The following PARP15 variants were observed in gnomAD, a reference collection of about 807,000 sequenced individuals.
PARP15 encodes poly(ADP-ribose) polymerase family member 15.
In PARP15, 50 loss-of-function variants were observed where a neutral mutation model predicts 62.1. The observed-to-expected ratio is 0.81, with a 90% CI of 0.64 to 1.02. The LOEUF (loss-of-function observed/expected upper bound fraction) is 1.02, where lower values mean the gene tolerates loss of function less well. PARP15 is among the 50% of genes least tolerant of loss of function. PARP15 has a pLI of 0.00. For synonymous variants in PARP15, 309 were observed against 293.1 expected (o/e 1.05, Z -0.55); for missense variants, 820 against 826.5 (o/e 0.99, Z 0.10).
Position 122,613,145 on chromosome 3 carries a change from A to C in PARP15, c.648A>C (p.Lys216Asn). 1 of 1,551,742 alleles carries C rather than the reference A, an allele frequency of 6.4e-7. No individual in the cohort carries two copies. The highest frequency in any genetic ancestry group is 8.7e-7 in the Non-Finnish European group (1 of 1,146,952). The change falls in exon 4 of 12, where the codon AAA becomes AAC. Residue 216 changes from lysine (K) to asparagine (N), a missense_variant. Lys to Asn is a moderately conservative substitution (Grantham distance 94). This residue lies in a region of PARP15 where 731 missense variants were observed against 727.7 expected (regional missense o/e 1.00). Coordinates refer to ENST00000464300, the MANE Select transcript of PARP15 (RefSeq NM_001113523.3). ...MIGTGSLQFP[K>N]AVFAKLILSE... ...GAACAGGAAGTTTGCAGTTTCCCAA[A>C]GCTGTTTTTGCTAAACTAATCCTTT... is the stretch of plus-strand genomic sequence containing the variant.
chr3:122,590,020 G>A (rs183933516), intron 1 of PARP15, among the ~76,000 whole-genome samples: 1 of 150,846 alleles, frequency 6.6e-6, no homozygotes, highest in African/African-American at 2.4e-5. Context: ...CAAGTAGCTG[G>A]GACTACAGGT....
chr3:122,604,800 G>T (rs1015990019), intron 1 of PARP15, among the ~76,000 whole-genome samples: 1 of 152,172 alleles, frequency 6.6e-6, no homozygotes, highest in African/African-American at 2.4e-5. Context: ...GGCAGAGGTT[G>T]CAGTGAGCCA....
At chr3:122,603,556 A>G (rs1372104679) in intron 1 of PARP15, among the ~76,000 whole-genome samples, 1 of 152,210 alleles carries the variant, frequency 6.6e-6, no homozygotes, top group Non-Finnish European at 1.5e-5. Flanking sequence ...GGTTGTCTGG[A>G]GGATGTGAAG....
rs531244375 is a variant in PARP15 at position 122,584,680 on chromosome 3, C to T, written c.186+6827C>T. 1.1e-4 allele frequency among the ~76,000 whole-genome samples: 17 copies of T among 150,434 alleles called. No homozygotes were observed. The South Asian group carries it at 1.7e-3, about 15-fold the overall frequency. On this transcript the variant is annotated intron_variant, in intron 1 of 11. Coordinates refer to ENST00000464300, the MANE Select transcript of PARP15 (RefSeq NM_001113523.3). Reference sequence around the variant, plus strand: ...ACAACCTCCACACCCCGGGTTCAGGCGATTCTCCTGCTTCAGCCTCCCAAG... The same window carrying T: ...ACAACCTCCACACCCCGGGTTCAGGTGATTCTCCTGCTTCAGCCTCCCAAG...
At chr3:122,577,883 G>C in intron 1 of PARP15, 30 bp downstream of exon 1, 1 of 1,514,766 alleles carries the variant, frequency 6.6e-7, no homozygotes, top group Admixed American at 2.1e-5. Context: ...GGTGCGGGAA[G>C]GGGACAGCAG....
rs375329929 is a variant in PARP15, at chr3:122,621,631, A to G, written c.1231+20A>G. The G allele has an allele frequency of 1.3e-6, 2 of 1,559,866 alleles. No individual in the cohort carries two copies. Among genetic ancestry groups the G allele is most frequent in the South Asian group, 1.2e-5 (1 of 81,572 alleles). On this transcript the variant is annotated intron_variant, in intron 8 of 11. Transcript: ENST00000464300. ...GAACAGGTTTGCAGCTTATCATTCT[A>G]TAATAAAATTTGAGTGATACAAATT...
intron 8 of PARP15, among the ~76,000 whole-genome samples, chr3:122,623,850 G>A (rs6788885): frequency 0.12 from 18,616 of 152,116 alleles, 3,003 homozygotes; most frequent in African/African-American, 0.37. Flanking sequence ...GACATTTTTG[G>A]AATGTTTCTC....
intron 1 of PARP15, among the ~76,000 whole-genome samples, chr3:122,598,956 C>T (rs922662142): frequency 6.6e-6 from 1 of 151,998 alleles, no homozygotes; most frequent in Non-Finnish European, 1.5e-5. Context: ...AGTGCAGTGG[C>T]GTGATCTCAG....
chr3:122,612,754 A>G (rs1254861915), intron 3 of PARP15, among the ~76,000 whole-genome samples: 1 of 152,000 alleles, frequency 6.6e-6, no homozygotes, highest in African/African-American at 2.4e-5. Context: ...AACTTAACAT[A>G]AATACTGCAT....
rs778219932 is a variant in PARP15 at position 122,610,693 on chromosome 3, C to T, written c.506C>T (p.Ala169Val). The T allele has an allele frequency of 3.8e-5, 58 of 1,543,050 alleles. No homozygotes were observed. Among genetic ancestry groups the T allele is most frequent in the Middle Eastern group, 1.7e-4 (1 of 5,942 alleles). Residue 169 changes from alanine to valine, a missense_variant, in exon 3 of 12, where the codon GCT (alanine) becomes GTT (valine). Around this residue, in one of 3 missense-constraint regions of PARP15, gnomAD observed 731 missense variants for 727.7 expected, o/e 1.00. Coordinates refer to ENST00000464300, the MANE Select transcript of PARP15 (RefSeq NM_001113523.3). ...TGCAAAGCTGTGCTCCATGCTGTGGCTCCATACTGGAATAATGGAGCAGAG... is the reference window on the plus strand; with the variant it reads ...TGCAAAGCTGTGCTCCATGCTGTGGTTCCATACTGGAATAATGGAGCAGAG... Reference protein sequence around the residue: ...LDCKAVLHAVAPYWNNGAETS... With the variant: ...LDCKAVLHAVVPYWNNGAETS...
Position 122,606,430 on chromosome 3 carries a change from G to A in PARP15, c.306+375G>A, listed in dbSNP as rs543611624. Among the ~76,000 whole-genome samples, 233 of 152,218 alleles carry A rather than the reference G, an allele frequency of 1.5e-3. 2 individuals carry two copies. Among genetic ancestry groups the A allele is most frequent in the Middle Eastern group, 0.01 (3 of 294 alleles). ...CTATAGAATCACCCTTCACAAACACGCCTTTGCTCCTGCCTGAGCACTTTG... is the reference window on the plus strand; with the variant it reads ...CTATAGAATCACCCTTCACAAACACACCTTTGCTCCTGCCTGAGCACTTTG... On this transcript the variant is annotated intron_variant, in intron 2 of 11. Transcript: ENST00000464300.
chr3:122,589,932 C>T (rs1445957831), intron 1 of PARP15, among the ~76,000 whole-genome samples: 5 of 141,336 alleles, frequency 3.5e-5, no homozygotes, highest in Non-Finnish European at 7.5e-5. Context: ...CGCTCTGTCC[C>T]TGGGGTGCAG....
chr3:122,617,298 G>T, intron 6 of PARP15, 134 bp downstream of exon 6: 1 of 917,042 alleles, frequency 1.1e-6, no homozygotes, highest in Non-Finnish European at 1.6e-6. Context: ...GGAAGACGTG[G>T]GTTGAATCCC....
chr3:122,629,576 A>G (rs12632799), intron 9 of PARP15, among the ~76,000 whole-genome samples: 27,800 of 152,106 alleles, frequency 0.18, 2,993 homozygotes, highest in East Asian at 0.48. Context: ...CAAATTTTCC[A>G]CGGACTGGGT....
chr3:122,635,981 C>T lies in PARP15; in HGVS notation c.1918C>T (p.Pro640Ser). The T allele has an allele frequency of 6.2e-7, 1 of 1,614,140 alleles. No homozygotes were observed. Among genetic ancestry groups the T allele is most frequent in the Non-Finnish European group, 8.5e-7 (1 of 1,180,006 alleles). The change falls in exon 12 of 12, where the codon CCT (proline) becomes TCT (serine). Residue 640 changes from proline to serine, a missense_variant. This residue lies in a region of PARP15 where 84 missense variants were observed against 79.7 expected (regional missense o/e 1.05). Coordinates refer to ENST00000464300, the MANE Select transcript of PARP15 (RefSeq NM_001113523.3). Reference sequence around the variant, plus strand: ...ATTAGTCACCCCTCCACCCAAGAATCCTCACAATCCCACAGATCTCTTTGA... The same window carrying T: ...ATTAGTCACCCCTCCACCCAAGAATTCTCACAATCCCACAGATCTCTTTGA... ...AGLVTPPPKNPHNPTDLFDSV... is the reference protein window; with the variant it reads ...AGLVTPPPKNSHNPTDLFDSV...
intron 5 of PARP15, among the ~76,000 whole-genome samples, chr3:122,616,327 C>CTTTT (rs869254516): frequency 4.1e-5 from 5 of 122,158 alleles, no homozygotes; most frequent in African/African-American, 1.2e-4. Context: ...TCTGAGCAGT[C>CTTTT]TTTTTTTTTT....
At chr3:122,608,628 AT>A (rs1173628713) in intron 2 of PARP15, among the ~76,000 whole-genome samples, 1 of 152,260 alleles carries the variant, frequency 6.6e-6, no homozygotes, top group South Asian at 2.1e-4. Flanking sequence ...TGAAATTCTT[AT>A]CCCCTTTAAA....
chr3:122,636,163 C>G lies in PARP15; in HGVS notation c.*63C>G. 2 of 1,498,000 alleles carry G rather than the reference C, an allele frequency of 1.3e-6. No homozygotes were observed. The highest frequency in any genetic ancestry group is 1.8e-6 in the Non-Finnish European group (2 of 1,100,188). The allele number at this position is 1,498,000 out of a possible 1,614,324, so 92.8% of individuals were successfully genotyped here. A position where few individuals can be genotyped will look rare whatever the true frequency, so the allele number is the denominator to read the frequency against. ...TGTAAGAACAACATGCAATCTTTGT[C>G]TTTGCTTCTGGCCTGTGTAAGCAGA... On this transcript the variant is annotated 3_prime_UTR_variant, in exon 12 of 12. Transcript: ENST00000464300.
intron 1 of PARP15, among the ~76,000 whole-genome samples, chr3:122,581,868 A>G (rs1252028513): frequency 6.6e-6 from 1 of 152,148 alleles, no homozygotes; most frequent in Non-Finnish European, 1.5e-5. Flanking sequence ...TGTCTTCTTT[A>G]TGCCAGTACT....
Sources: gnomAD v4.1 joint callset for allele counts (sites outside exome capture counted in the v4.1 genomes callset) on GRCh38, gnomAD v4.1.1 for gene constraint, gnomAD v4.1.1 regional missense constraint, MANE v1.5 for transcripts, NCBI Gene and HGNC (gene_info 2026-07-23, HGNC 2026-07-21) for gene names.